The following SPAG16 variants were observed in gnomAD, a reference collection of about 807,000 sequenced individuals.
SPAG16 encodes sperm associated antigen 16, also known as sperm-associated antigen 16 protein.
In SPAG16, 86 loss-of-function variants were observed where a neutral mutation model predicts 80.4. That is an observed-to-expected ratio of 1.07 (90% CI 0.90 to 1.28). SPAG16 has a LOEUF of 1.28. Among genes scored for constraint, SPAG16 ranks in the 50% most tolerant of loss-of-function variants. SPAG16 has a pLI of 0.00. For synonymous variants in SPAG16, 294 were observed against 265.9 expected, an observed-to-expected ratio of 1.11 and a Z score of -1.03; for missense variants, 870 against 765.3, an observed-to-expected ratio of 1.14 and a Z score of -1.61.
At chr2:213,894,900 A>G (rs1858255) in intron 11 of SPAG16, among the ~76,000 whole-genome samples, 89,165 of 149,486 alleles carry the variant, frequency 0.6, 28,380 homozygotes, top group South Asian at 0.85. Context: ...TGAGGCAGGA[A>G]AATCACTGAA....
chr2:214,221,108 A>G (rs1240080671), intron 15 of SPAG16, among the ~76,000 whole-genome samples: 1 of 152,182 alleles, frequency 6.6e-6, no homozygotes, highest in Non-Finnish European at 1.5e-5. Flanking sequence ...TCCCCATAAG[A>G]AATATTTATC....
intron 10 of SPAG16, among the ~76,000 whole-genome samples, chr2:213,623,218 T>C (rs2061846590): frequency 1.3e-5 from 2 of 152,228 alleles, no homozygotes; most frequent in African/African-American, 4.8e-5. Context: ...CTGCTGCTGG[T>C]ATTTAACACA....
rs529142377 is a variant in SPAG16 at position 213,480,769 on chromosome 2, G to T, written c.943-9194G>T. 5.3e-5 allele frequency among the ~76,000 whole-genome samples: 8 copies of T among 152,194 alleles called. 1 individual carries two copies. In the East Asian group the frequency reaches 1.5e-3, roughly 29 times the overall value. ...ATTTTTAGGTTTGCAACACTTTTAT[G>T]TGATTATCATAGTGTTAAACAGAAG... On this transcript the variant is annotated intron_variant, in intron 9 of 15. Coordinates refer to ENST00000331683, the MANE Select transcript of SPAG16 (RefSeq NM_024532.5).
chr2:214,008,473 AG>A, intron 12 of SPAG16, among the ~76,000 whole-genome samples: 1 of 152,096 alleles, frequency 6.6e-6, no homozygotes, highest in Non-Finnish European at 1.5e-5. Context: ...GGCTGGGTGT[AG>A]TGGCTCACGC....
intron 10 of SPAG16, among the ~76,000 whole-genome samples, chr2:213,793,589 CAA>C (rs1461233372): frequency 6.6e-6 from 1 of 152,158 alleles, no homozygotes; most frequent in Non-Finnish European, 1.5e-5. Context: ...AAACTGACTT[CAA>C]GTGTCTAGTT....
chr2:214,263,155 C>T (rs1343095944), intron 15 of SPAG16, among the ~76,000 whole-genome samples: 1 of 152,072 alleles, frequency 6.6e-6, no homozygotes, highest in Non-Finnish European at 1.5e-5. Flanking sequence ...TACATAAGAT[C>T]TCCAGGACTT....
At chr2:214,144,804 C>T (rs530726476) in intron 14 of SPAG16, among the ~76,000 whole-genome samples, 6 of 152,020 alleles carry the variant, frequency 3.9e-5, no homozygotes, top group Non-Finnish European at 8.8e-5. Flanking sequence ...GTATATGAAA[C>T]CCAGCAAGTT....
At chr2:213,850,932 G>T (rs1396203345) in intron 10 of SPAG16, among the ~76,000 whole-genome samples, 1 of 151,776 alleles carries the variant, frequency 6.6e-6, no homozygotes, top group South Asian at 2.1e-4. Context: ...AATTTTCAAG[G>T]AACATTCTTA....
At chr2:214,179,217 C>T (rs2057230411) in intron 15 of SPAG16, among the ~76,000 whole-genome samples, 1 of 151,136 alleles carries the variant, frequency 6.6e-6, no homozygotes, top group Non-Finnish European at 1.5e-5. Context: ...CTAAAAGATC[C>T]AATTCTCTGG....
intron 10 of SPAG16, among the ~76,000 whole-genome samples, chr2:213,674,300 A>G (rs2063942627): frequency 6.6e-6 from 1 of 151,882 alleles, no homozygotes; most frequent in East Asian, 1.9e-4. Context: ...CTTTGGAGCA[A>G]TAAGATGTGA....
intron 13 of SPAG16, among the ~76,000 whole-genome samples, chr2:214,024,767 T>A (rs947152243): frequency 6.6e-6 from 1 of 151,602 alleles, no homozygotes; most frequent in African/African-American, 2.4e-5. Flanking sequence ...TGTGGTAGAA[T>A]CTAGATCTCT....
At chr2:214,263,038 A>G (rs1473449179) in intron 15 of SPAG16, among the ~76,000 whole-genome samples, 1 of 152,042 alleles carries the variant, frequency 6.6e-6, no homozygotes, top group Non-Finnish European at 1.5e-5. Context: ...TAATGCCTCT[A>G]TCACTTCATA....
intron 10 of SPAG16, among the ~76,000 whole-genome samples, chr2:213,843,867 A>G (rs192324031): frequency 1.3e-5 from 2 of 152,238 alleles, no homozygotes; most frequent in East Asian, 3.9e-4. Context: ...CAAACAAACA[A>G]AAAGAACCCC....
rs116417038 is a variant in SPAG16 at position 213,863,859 on chromosome 2, A to G, written c.1214+1231A>G. 9.6e-3 allele frequency among the ~76,000 whole-genome samples: 1,461 copies of G among 152,286 alleles called. 31 individuals carry two copies. The highest frequency in any genetic ancestry group is 0.032 in the African/African-American group (1,340 of 41,576). ...TTCCCATTCAATTACTGAAATTAAT[A>G]TGAGGTGAGATACATCATTATTCAC... On this transcript the variant is annotated intron_variant, in intron 11 of 15. Coordinates refer to ENST00000331683, the MANE Select transcript of SPAG16 (RefSeq NM_024532.5).
intron 9 of SPAG16, among the ~76,000 whole-genome samples, chr2:213,450,601 T>G (rs1424748147): frequency 6.6e-6 from 1 of 152,212 alleles, no homozygotes; most frequent in Non-Finnish European, 1.5e-5. Flanking sequence ...TGTGCATTAT[T>G]TTGGCTGATC....
At chr2:213,716,603 A>G (rs1003120188) in intron 10 of SPAG16, among the ~76,000 whole-genome samples, 2 of 152,186 alleles carry the variant, frequency 1.3e-5, no homozygotes, top group African/African-American at 4.8e-5. Context: ...AGGGTAAATC[A>G]GGTTATCTTC....
chr2:213,869,673 A>G (rs2075874868), intron 11 of SPAG16, among the ~76,000 whole-genome samples: 3 of 145,526 alleles, frequency 2.1e-5, no homozygotes, highest in East Asian at 4.1e-4. Flanking sequence ...TCTAATTCCA[A>G]AAGTAATACA....
chr2:213,292,908 A>G (rs2062352153), intron 1 of SPAG16, among the ~76,000 whole-genome samples: 1 of 152,164 alleles, frequency 6.6e-6, no homozygotes, highest in African/African-American at 2.4e-5. Context: ...AATGCTTTAC[A>G]TATATTGACT....
chr2:214,102,811 G>C (rs1322081067), intron 13 of SPAG16, among the ~76,000 whole-genome samples: 2 of 152,096 alleles, frequency 1.3e-5, no homozygotes, highest in African/African-American at 4.8e-5. Flanking sequence ...AGAACAGGAA[G>C]AGGAGTTTAT....
Sources: allele counts gnomAD v4.1 joint callset (sites outside exome capture counted in the v4.1 genomes callset), GRCh38; gene constraint gnomAD v4.1.1; transcripts MANE v1.5; gene names NCBI Gene and HGNC (gene_info 2026-07-23, HGNC 2026-07-21).